The following SPEF2 variants were observed in gnomAD, a reference collection of about 807,000 sequenced individuals.
SPEF2 encodes the protein sperm flagella and cilia-associated protein 2.
SPEF2 carries 187 observed loss-of-function variants against 224.6 expected under a neutral mutation model. That is an observed-to-expected ratio of 0.83 (90% CI 0.74 to 0.94). SPEF2 has a LOEUF of 0.94. Among genes scored for constraint, SPEF2 ranks in the 40% least tolerant of loss-of-function variants. The pLI is 0.00. For synonymous variants in SPEF2, 715 were observed against 707.3 expected (o/e 1.01, Z -0.17); for missense variants, 2,170 against 2,135.6 (o/e 1.02, Z -0.32).
At chr5:35,663,347 G>A (rs1749998617) in intron 8 of SPEF2, among the ~76,000 whole-genome samples, 1 of 152,156 alleles carries the variant, frequency 6.6e-6, no homozygotes. Context: ...CTTGACATCT[G>A]TGGTCATATG....
At chr5:35,710,191 T>A in intron 19 of SPEF2, 1 of 984,814 alleles carries the variant, frequency 1.0e-6, no homozygotes, top group Non-Finnish European at 1.2e-6. Flanking sequence ...CTTTTCCCGC[T>A]GTCTCATTAG....
intron 8 of SPEF2, among the ~76,000 whole-genome samples, chr5:35,661,702 T>C (rs1749767232): frequency 6.6e-6 from 1 of 152,158 alleles, no homozygotes; most frequent in Non-Finnish European, 1.5e-5. Flanking sequence ...CTGCATTAGT[T>C]TGCTGAGGAT....
chr5:35,717,766 G>A (rs998430657), intron 20 of SPEF2, among the ~76,000 whole-genome samples: 14 of 152,196 alleles, frequency 9.2e-5, no homozygotes, highest in Admixed American at 5.2e-4. Context: ...CTCCACCTTA[G>A]TGGGCAGGCT....
At chr5:35,787,758 C>A in intron 30 of SPEF2, 4 of 520,664 alleles carry the variant, frequency 7.7e-6, no homozygotes, top group South Asian at 3.7e-5. Context: ...ATAAGCACTC[C>A]ATAAAATTTT....
intron 36 of SPEF2, among the ~76,000 whole-genome samples, chr5:35,809,146 G>A (rs1758385909): frequency 6.6e-6 from 1 of 152,050 alleles, no homozygotes; most frequent in African/African-American, 2.4e-5. Flanking sequence ...ACTTGGCATG[G>A]TATCTGACAC....
chr5:35,802,340 C>T (rs1417850175), intron 34 of SPEF2, among the ~76,000 whole-genome samples: 2 of 152,180 alleles, frequency 1.3e-5, no homozygotes, highest in Non-Finnish European at 2.9e-5. Context: ...CCTGGCAGGG[C>T]GGAGCACATT....
chr5:35,770,564 A>G (rs1372930049), intron 26 of SPEF2, among the ~76,000 whole-genome samples: 3 of 152,002 alleles, frequency 2.0e-5, no homozygotes, highest in Admixed American at 2.0e-4. Context: ...CTCTACTTCT[A>G]TGCTTTGACT....
intron 3 of SPEF2, among the ~76,000 whole-genome samples, chr5:35,644,087 A>G (rs1746999317): frequency 6.6e-6 from 1 of 152,204 alleles, no homozygotes; most frequent in Admixed American, 6.5e-5. Context: ...AATACCATTT[A>G]TTGAAAATTT....
chr5:35,722,952 C>A (rs1274648831), intron 20 of SPEF2, among the ~76,000 whole-genome samples: 3 of 151,924 alleles, frequency 2.0e-5, no homozygotes, highest in Non-Finnish European at 2.9e-5. Flanking sequence ...TCTTGTCTGC[C>A]CACAGCCATC....
chr5:35,751,455 T>G (rs950729462), intron 23 of SPEF2, among the ~76,000 whole-genome samples: 6 of 151,614 alleles, frequency 4.0e-5, no homozygotes, highest in Middle Eastern at 3.4e-3. Flanking sequence ...CGTACCCCAA[T>G]AACTTATGGA....
intron 2 of SPEF2, among the ~76,000 whole-genome samples, chr5:35,631,533 G>A (rs1049702978): frequency 2.6e-5 from 4 of 152,126 alleles, no homozygotes; most frequent in African/African-American, 9.7e-5. Context: ...AACTAATTCA[G>A]GCACTTAAAA....
At chr5:35,759,853 CAT>C (rs994243170) in intron 25 of SPEF2, 134 bp downstream of exon 25, 1 of 842,642 alleles carries the variant, frequency 1.2e-6, no homozygotes, top group Non-Finnish European at 1.7e-6. Context: ...AATAACCAAA[CAT>C]GTTTTTTTTT....
At chr5:35,701,327 A>G (rs1398124220) in intron 16 of SPEF2, among the ~76,000 whole-genome samples, 6 of 152,186 alleles carry the variant, frequency 3.9e-5, no homozygotes, top group Admixed American at 6.5e-5. Context: ...GCTTTCTTAC[A>G]TAGAAGGTAT....
chr5:35,709,987 T>C lies in SPEF2; in HGVS notation c.2839+866T>C, dbSNP rs571972262. ...CTGCCTCACGGAGATTTGAGATAGG[T>C]CTTAATTTTTAAAATTAAACTTATT... On this transcript the variant is annotated intron_variant, in intron 19 of 36. Transcript: ENST00000356031. 7.2e-5 allele frequency: 71 copies of C among 982,658 alleles called. 1 individual carries two copies. The African/African-American group carries it at 1.2e-3, about 16-fold the overall frequency. The allele number at this position is 982,658 out of a possible 1,614,324, so 60.9% of individuals were successfully genotyped here. A position where few individuals can be genotyped will look rare whatever the true frequency, so the allele number is the denominator to read the frequency against.
At chr5:35,684,290 C>T (rs1041680044) in intron 10 of SPEF2, among the ~76,000 whole-genome samples, 1 of 152,122 alleles carries the variant, frequency 6.6e-6, no homozygotes, top group African/African-American at 2.4e-5. Context: ...GAGATGCTTA[C>T]CTTGACTCAG....
intron 34 of SPEF2, among the ~76,000 whole-genome samples, chr5:35,801,430 T>C (rs373720648): frequency 6.6e-6 from 1 of 152,108 alleles, no homozygotes; most frequent in Non-Finnish European, 1.5e-5. Context: ...GGAGAATTAC[T>C]TGAACCTGGG....
At chr5:35,627,079 A>C (rs1381418067) in intron 1 of SPEF2, among the ~76,000 whole-genome samples, 2 of 149,196 alleles carry the variant, frequency 1.3e-5, no homozygotes, top group East Asian at 4.0e-4. Context: ...ATTATATTTA[A>C]TATAATATGT....
intron 8 of SPEF2, among the ~76,000 whole-genome samples, chr5:35,663,216 T>C (rs1172070001): frequency 6.6e-6 from 1 of 152,130 alleles, no homozygotes; most frequent in Admixed American, 6.5e-5. Flanking sequence ...TATATTCTTT[T>C]CTATGTTATT....
At chr5:35,644,314 T>C in intron 3 of SPEF2, 41 bp from the exon 4 acceptor site, 1 of 1,439,796 alleles carries the variant, frequency 6.9e-7, no homozygotes, top group Non-Finnish European at 9.2e-7. Flanking sequence ...ATGTACTCTT[T>C]ATTCTCTAAT....
Sources: gnomAD v4.1 joint callset for allele counts (sites outside exome capture counted in the v4.1 genomes callset) on GRCh38, gnomAD v4.1.1 for gene constraint, MANE v1.5 for transcripts, NCBI Gene and HGNC (gene_info 2026-07-23, HGNC 2026-07-21) for gene names.